RYR3: variants seen among roughly 807,000 people sequenced by gnomAD.
The protein encoded by RYR3 is brain ryanodine receptor-calcium release channel.
RYR3 carries 207 observed loss-of-function variants against 584.3 expected under a neutral mutation model. That is an observed-to-expected ratio of 0.35 (90% CI 0.32 to 0.40). RYR3 has a LOEUF of 0.40. Among genes scored for constraint, RYR3 ranks in the 10% least tolerant of loss-of-function variants. The pLI, the probability that RYR3 is intolerant of heterozygous loss-of-function variation, is 1.00. For missense variants in RYR3, 5,616 were observed against 6,089.2 expected (o/e 0.92, Z 2.59); for synonymous variants, 2,416 against 2,248.5 (o/e 1.07, Z -2.11).
Position 33,603,305 on chromosome 15 carries a change from G to C in RYR3, c.2105G>C (p.Gly702Ala), listed in dbSNP as rs889077745. The change falls in exon 18 of 104, where the codon GGC (glycine) becomes GCC (alanine). Residue 702 changes from glycine (G) to alanine (A), a missense_variant. Physicochemically the swap from Gly to Ala is moderately conservative, Grantham distance 60 (BLOSUM62 0). Coordinates refer to ENST00000634891, the MANE Select transcript of RYR3 (RefSeq NM_001036.6). ...PYPGGGEGWG[G>A]NGVGDDLYSY... Reference sequence around the variant, plus strand: ...CCAGGAGGTGGAGAAGGATGGGGAGGCAATGGTGTTGGTGACGACCTGTAC... The same window carrying C: ...CCAGGAGGTGGAGAAGGATGGGGAGCCAATGGTGTTGGTGACGACCTGTAC... 5.6e-6 allele frequency: 9 copies of C among 1,613,388 alleles called. No individual in the cohort carries two copies. The highest frequency in any genetic ancestry group is 2.7e-5 in the African/African-American group (2 of 74,910).
At chr15:33,839,999 C>G (rs528036112) in intron 89 of RYR3, among the ~76,000 whole-genome samples, 1 of 152,328 alleles carries the variant, frequency 6.6e-6, no homozygotes, top group South Asian at 2.1e-4. Flanking sequence ...CAGAAAACAA[C>G]ATTTTTGCTC....
rs1397802865 is a variant in RYR3 at position 33,813,541 on chromosome 15, G to A, written c.10464G>A (p.Val3488=). 8.7e-6 allele frequency: 14 copies of A among 1,613,942 alleles called. No homozygotes were observed. Among genetic ancestry groups the A allele is most frequent in the Non-Finnish European group, 1.2e-5 (14 of 1,179,864 alleles). Residue 3488 remains valine (V), a synonymous_variant, in exon 74 of 104, where the codon GTG becomes GTA. Transcript: ENST00000634891. ...LLSKQRKRAV[V]ACFRMAPLYN... is the part of the protein sequence containing the mutation. ...CAAAGCAACGGAAACGGGCAGTGGT[G>A]GCCTGTTTCAGGATGGCCCCTCTCT...
chr15:33,763,903 A>AAAAAAAAAAAAAAAAAAC (rs2072746985), intron 60 of RYR3, among the ~76,000 whole-genome samples: 1 of 132,824 alleles, frequency 7.5e-6, no homozygotes, highest in African/African-American at 3.1e-5. Context: ...AAAAAAAAAA[A>AAAAAAAAAAAAAAAAAAC]AAAAAAAAAA....
chr15:33,822,904 T>C, intron 80 of RYR3, 92 bp from the exon 81 acceptor site: 1 of 979,488 alleles, frequency 1.0e-6, no homozygotes, highest in Non-Finnish European at 1.5e-6. Context: ...TCCAACTCAG[T>C]GTGGCTGGGG....
At chr15:33,314,864 A>G (rs1399835342) in intron 1 of RYR3, among the ~76,000 whole-genome samples, 1 of 151,896 alleles carries the variant, frequency 6.6e-6, no homozygotes, top group Admixed American at 6.6e-5. Flanking sequence ...CAGTGAGCCG[A>G]GATTGCGCCA....
rs116248726 is a variant in RYR3, at chr15:33,789,165, G to A, written c.9830+707G>A. On this transcript the variant is annotated intron_variant, in intron 67 of 103. Transcript: ENST00000634891. ...AGGAGGCCAGTGTAGCTGAAGCAGA[G>A]GGAGGGGTGGGGAAGAGCAGTAGAA... Among the ~76,000 whole-genome samples the A allele has an allele frequency of 7.6e-3, 1,160 of 152,272 alleles. 11 individuals are homozygous for A. The highest frequency in any genetic ancestry group is 0.027 in the African/African-American group (1,106 of 41,546).
At chr15:33,582,871 G>A (rs567710707) in intron 14 of RYR3, among the ~76,000 whole-genome samples, 55 of 152,306 alleles carry the variant, frequency 3.6e-4, no homozygotes, top group Middle Eastern at 3.4e-3. Flanking sequence ...CCATGTATCA[G>A]CCTCAGTGAA....
At chr15:33,615,180 A>G (rs971133298) in intron 19 of RYR3, among the ~76,000 whole-genome samples, 1 of 152,164 alleles carries the variant, frequency 6.6e-6, no homozygotes, top group Non-Finnish European at 1.5e-5. Flanking sequence ...ACTAGTGTCC[A>G]TGGAAGCCCC....
intron 62 of RYR3, 140 bp from the exon 63 acceptor site, chr15:33,771,780 C>T: frequency 1.5e-6 from 1 of 647,176 alleles, no homozygotes; most frequent in Admixed American, 2.6e-5. Flanking sequence ...ATGTTAACTG[C>T]TCTCTCCCTT....
At position 33,858,138 on chromosome 15, in the gene RYR3, C is replaced by G. The variant is rs534324871; in HGVS notation, c.14142+224C>G. On this transcript the variant is annotated intron_variant, in intron 99 of 103. Coordinates refer to ENST00000634891, the MANE Select transcript of RYR3 (RefSeq NM_001036.6). ...AGTTTTCATTACCACACATCTAAGC[C>G]CCGTGGAAAGGGAAGCACCCTGCAC... 12 of 587,626 alleles carry G rather than the reference C, an allele frequency of 2.0e-5. No individual in the cohort carries two copies. In the African/African-American group the frequency reaches 2.0e-4, roughly 10 times the overall value. 36.4% of individuals were successfully genotyped at this position (587,626 alleles called of 1,614,324 possible).
intron 85 of RYR3, among the ~76,000 whole-genome samples, chr15:33,830,000 A>G (rs908840849): frequency 7.2e-5 from 11 of 152,220 alleles, no homozygotes; most frequent in Admixed American, 5.2e-4. Context: ...CCTCTCATGG[A>G]TGAGCAAAGA....
At chr15:33,752,104 C>A (rs903048356) in intron 57 of RYR3, among the ~76,000 whole-genome samples, 1 of 152,138 alleles carries the variant, frequency 6.6e-6, no homozygotes, top group Non-Finnish European at 1.5e-5. Flanking sequence ...TGTTTTGGTA[C>A]CAGTACCATG....
chr15:33,800,699 T>C (rs990857677), intron 67 of RYR3, 71 bp from the exon 68 acceptor site: 2 of 1,096,844 alleles, frequency 1.8e-6, no homozygotes, highest in African/African-American at 1.5e-5. Flanking sequence ...AGTGCTGGTA[T>C]AATTTTTAGA....
intron 80 of RYR3, among the ~76,000 whole-genome samples, chr15:33,821,930 A>AC (rs2077129003): frequency 6.6e-6 from 1 of 152,118 alleles, no homozygotes; most frequent in Admixed American, 6.5e-5. Flanking sequence ...CTTTATTTTC[A>AC]CTAATTAGCT....
intron 64 of RYR3, 98 bp from the exon 65 acceptor site, chr15:33,780,113 G>T: frequency 7.0e-7 from 1 of 1,432,666 alleles, no homozygotes; most frequent in Non-Finnish European, 9.5e-7. Context: ...AGTGCCTAGG[G>T]ATGTCCATGG....
chr15:33,540,711 C>T (rs1041369136), intron 6 of RYR3, 80 bp from the exon 7 acceptor site: 3 of 841,900 alleles, frequency 3.6e-6, no homozygotes, highest in African/African-American at 3.3e-5. Context: ...TTAATTTAAT[C>T]CTTGAAGTTC....
chr15:33,817,636 C>T (rs1240026002), intron 75 of RYR3, among the ~76,000 whole-genome samples: 1 of 152,186 alleles, frequency 6.6e-6, no homozygotes, highest in African/African-American at 2.4e-5. Context: ...CTTTCACTTT[C>T]TATCTTTCCC....
chr15:33,504,727 C>G (rs1196816127), intron 3 of RYR3, among the ~76,000 whole-genome samples: 2 of 152,210 alleles, frequency 1.3e-5, no homozygotes, highest in Non-Finnish European at 2.9e-5. Flanking sequence ...TGCCCCATCT[C>G]TCACCACATC....
Position 33,724,193 on chromosome 15 carries a change from C to G in RYR3, c.6912+17C>G, listed in dbSNP as rs571060469. 27 of 1,398,558 alleles carry G rather than the reference C, an allele frequency of 1.9e-5. No individual in the cohort carries two copies. The East Asian group carries it at 5.3e-4, about 27-fold the overall frequency. 86.6% of individuals were successfully genotyped at this position (1,398,558 alleles called of 1,614,324 possible). ...GAAATGCACGTAAGTGATACAGCTT[C>G]CAGAGAACAGCTTTGAGAAACCTAT... On this transcript the variant is annotated intron_variant, in intron 45 of 103. Coordinates refer to ENST00000634891, the MANE Select transcript of RYR3 (RefSeq NM_001036.6).
Sources: allele counts gnomAD v4.1 joint callset (sites outside exome capture counted in the v4.1 genomes callset), GRCh38; gene constraint gnomAD v4.1.1; transcripts MANE v1.5; gene names NCBI Gene and HGNC (gene_info 2026-07-23, HGNC 2026-07-21).